The following FANCB variants were observed in gnomAD, a reference collection of about 807,000 sequenced individuals.
FANCB encodes FA complementation group B, also known as Fanconi anemia group B protein.
FANCB carries 5 observed loss-of-function variants against 38.9 expected under a neutral mutation model. The ratio of observed to expected loss-of-function variants is 0.13; its 90% CI spans 0.07 to 0.27. FANCB has a LOEUF of 0.27. Among genes scored for constraint, FANCB ranks in the 10% least tolerant of loss-of-function variants. The pLI is 1.00. For synonymous variants in FANCB, 236 were observed against 215.4 expected (o/e 1.10, Z -0.84); for missense variants, 573 against 602.7 (o/e 0.95, Z 0.52).
chrX:14,807,041 A>G, the FANCB span, among the ~76,000 whole-genome samples: 1 of 112,037 alleles, frequency 8.9e-6, no homozygotes, highest in South Asian at 3.6e-4. Flanking sequence ...GGAGAGGTTT[A>G]TTATCATTGT....
At chrX:14,809,709 C>G in the FANCB span, among the ~76,000 whole-genome samples, 2 of 112,822 alleles carry the variant, frequency 1.8e-5, no homozygotes, top group South Asian at 7.3e-4. Context: ...CACCACAGCT[C>G]AAGGAGGCCT....
chrX:14,837,760 T>C (rs928034410), intron 10 of FANCB, among the ~76,000 whole-genome samples: 2 of 112,619 alleles, frequency 1.8e-5, no homozygotes, highest in African/African-American at 6.5e-5. Flanking sequence ...CAGAATAGCA[T>C]AGTGGTGAAA....
chrX:14,790,120 T>C, the FANCB span, among the ~76,000 whole-genome samples: 2 of 111,955 alleles, frequency 1.8e-5, no homozygotes, highest in Admixed American at 1.9e-4. Context: ...TACCAGTGAA[T>C]ACAGCAGACC....
chrX:14,799,699 A>T, the FANCB span, among the ~76,000 whole-genome samples: 52,356 of 110,691 alleles, frequency 0.47, 9,585 homozygotes, highest in Non-Finnish European at 0.58. Flanking sequence ...CTTCTATCAA[A>T]TCAGAATACA....
At chrX:14,870,504 T>C (rs1265548950) in intron 1 of FANCB, among the ~76,000 whole-genome samples, 2 of 111,923 alleles carry the variant, frequency 1.8e-5, no homozygotes, top group African/African-American at 6.5e-5. Flanking sequence ...TATAAAATAC[T>C]ACATAATTAA....
At chrX:14,708,154 G>A in the FANCB span, among the ~76,000 whole-genome samples, 1 of 111,301 alleles carries the variant, frequency 9.0e-6, no homozygotes, top group South Asian at 3.8e-4. Flanking sequence ...TGTATCCCTT[G>A]ACCAACATCT....
At chrX:14,818,859 T>A in the FANCB span, among the ~76,000 whole-genome samples, 2 of 112,021 alleles carry the variant, frequency 1.8e-5, no homozygotes, top group South Asian at 7.3e-4. Context: ...CATATCTCAA[T>A]TTGGGTACTA....
At chrX:14,819,919 T>C in the FANCB span, among the ~76,000 whole-genome samples, 1 of 111,758 alleles carries the variant, frequency 8.9e-6, no homozygotes, top group Admixed American at 9.5e-5. Flanking sequence ...CTCCAAATTG[T>C]AGCCGGAGTA....
chrX:14,806,397 T>C, the FANCB span, among the ~76,000 whole-genome samples: 1 of 112,103 alleles, frequency 8.9e-6, no homozygotes, highest in Non-Finnish European at 1.9e-5. Context: ...CTAAACCTTC[T>C]ATAAAAATCT....
the FANCB span, among the ~76,000 whole-genome samples, chrX:14,765,048 G>T: frequency 8.9e-6 from 1 of 112,080 alleles, no homozygotes; most frequent in Non-Finnish European, 1.9e-5. Context: ...CTCAAATACT[G>T]CATGGGACAT....
At chrX:14,694,175 C>T in the FANCB span, among the ~76,000 whole-genome samples, 1 of 111,536 alleles carries the variant, frequency 9.0e-6, no homozygotes, top group Admixed American at 9.5e-5. Flanking sequence ...TGGGAAGAAC[C>T]AGATTGCAGT....
chrX:14,747,897 G>A, the FANCB span, among the ~76,000 whole-genome samples: 41 of 111,940 alleles, frequency 3.7e-4, no homozygotes, highest in African/African-American at 1.3e-3. Flanking sequence ...AAAATAATTG[G>A]AAAAGGGCTC....
chrX:14,869,260 T>C (rs953358823), intron 1 of FANCB: 1 of 111,962 alleles, frequency 8.9e-6, no homozygotes, highest in Non-Finnish European at 1.9e-5. Flanking sequence ...AAATCACCTC[T>C]GTATGAATTT....
chrX:14,828,347 T>A, the FANCB span, among the ~76,000 whole-genome samples: 2 of 112,209 alleles, frequency 1.8e-5, no homozygotes, highest in Admixed American at 1.9e-4. Context: ...TCATTGCATT[T>A]TACCCACAGT....
the FANCB span, among the ~76,000 whole-genome samples, chrX:14,692,665 T>C: frequency 1.8e-5 from 2 of 111,759 alleles, no homozygotes; most frequent in Admixed American, 1.9e-4. Context: ...AGGTGATTAT[T>C]ATGATGAGAT....
chrX:14,798,226 A>T, the FANCB span, among the ~76,000 whole-genome samples: 1 of 107,374 alleles, frequency 9.3e-6, no homozygotes, highest in South Asian at 4.2e-4. Context: ...TTGGTGGCGC[A>T]ATCTTGGCTC....
chrX:14,807,397 A>G, the FANCB span, among the ~76,000 whole-genome samples: 3 of 112,662 alleles, frequency 2.7e-5, no homozygotes, highest in African/African-American at 9.7e-5. Flanking sequence ...GAGAGATAAT[A>G]TATCATGATT....
chrX:14,813,226 A>C, the FANCB span, among the ~76,000 whole-genome samples: 1 of 107,363 alleles, frequency 9.3e-6, no homozygotes, highest in Non-Finnish European at 1.9e-5. Context: ...ATGGGCAAAA[A>C]CTGGAAGCAT....
chrX:14,807,221 G>A, the FANCB span, among the ~76,000 whole-genome samples: 42 of 112,253 alleles, frequency 3.7e-4, no homozygotes, highest in African/African-American at 1.2e-3. Flanking sequence ...GACATAAAGT[G>A]TATTTCCAAA....
Sources: allele counts gnomAD v4.1 joint callset (sites outside exome capture counted in the v4.1 genomes callset), GRCh38; gene constraint gnomAD v4.1.1; transcripts MANE v1.5; gene names NCBI Gene and HGNC (gene_info 2026-07-23, HGNC 2026-07-21).